ADGRL2: variants seen among roughly 807,000 people sequenced by gnomAD.
ADGRL2 encodes adhesion G protein-coupled receptor L2.
A neutral mutation model predicts 157.4 loss-of-function variants in ADGRL2; 44 were observed. That is an observed-to-expected ratio of 0.28 (90% CI 0.22 to 0.36). The LOEUF is 0.36. Among genes scored for constraint, ADGRL2 ranks in the 10% least tolerant of loss-of-function variants. The probability of loss-of-function intolerance (pLI) is 1.00; values close to 1 mark genes in which losing one functional copy is unlikely to be tolerated. For synonymous variants in ADGRL2, 585 were observed against 624.7 expected (o/e 0.94, Z 0.95); for missense variants, 1,510 against 1,768.9 (o/e 0.85, Z 2.63).
intron 3 of ADGRL2, among the ~76,000 whole-genome samples, chr1:81,592,810 G>A (rs1377897215): frequency 6.6e-6 from 1 of 151,982 alleles, no homozygotes; most frequent in Non-Finnish European, 1.5e-5. Flanking sequence ...GGAAGTGGGT[G>A]CAGGCAGGGA....
chr1:81,318,789 ATTGCTGATGCT>A (rs1200051555), intron 1 of ADGRL2, among the ~76,000 whole-genome samples: 3 of 152,092 alleles, frequency 2.0e-5, no homozygotes, highest in Non-Finnish European at 4.4e-5. Flanking sequence ...AAAATTCAGC[ATTGCTGATGCT>A]TAAGAGCAAA....
intron 3 of ADGRL2, among the ~76,000 whole-genome samples, chr1:81,623,351 G>T (rs2081838697): frequency 6.6e-6 from 1 of 152,174 alleles, no homozygotes; most frequent in Non-Finnish European, 1.5e-5. Context: ...AATTGTCTCT[G>T]TTTCCTAAAT....
chr1:81,400,621 A>G (rs4437916), intron 1 of ADGRL2, among the ~76,000 whole-genome samples: 126,004 of 151,942 alleles, frequency 0.83, 52,386 homozygotes, highest in East Asian at 0.96. Context: ...GTGCTACATA[A>G]TGGTGATTCT....
chr1:81,895,641 T>C (rs1206214570), intron 2 of ADGRL2, among the ~76,000 whole-genome samples: 2 of 152,046 alleles, frequency 1.3e-5, no homozygotes, highest in Non-Finnish European at 2.9e-5. Context: ...GTGATCCACC[T>C]GCCTCGGCCT....
intron 3 of ADGRL2, among the ~76,000 whole-genome samples, chr1:81,634,513 T>G (rs1310286580): frequency 3.4e-5 from 1 of 29,338 alleles, no homozygotes; most frequent in Non-Finnish European, 8.3e-5. Context: ...AGCTATCTTG[T>G]TTTTTTTTTT....
intron 3 of ADGRL2, among the ~76,000 whole-genome samples, chr1:81,615,450 C>A (rs1297832081): frequency 6.6e-6 from 1 of 152,292 alleles, no homozygotes; most frequent in East Asian, 1.9e-4. Flanking sequence ...AGAGCTGTAA[C>A]ACTCACCGCG....
At chr1:81,824,783 G>A (rs1324211517) in intron 1 of ADGRL2, among the ~76,000 whole-genome samples, 1 of 152,132 alleles carries the variant, frequency 6.6e-6, no homozygotes, top group Non-Finnish European at 1.5e-5. Flanking sequence ...ATTAGGTGGA[G>A]GGGAAAGATG....
intron 2 of ADGRL2, among the ~76,000 whole-genome samples, chr1:81,793,746 G>A (rs1283846060): frequency 6.6e-6 from 1 of 151,934 alleles, no homozygotes; most frequent in Non-Finnish European, 1.5e-5. Context: ...ATCTACACCT[G>A]CATAAAATAT....
chr1:81,769,674 T>C (rs1451808353), intron 2 of ADGRL2, among the ~76,000 whole-genome samples: 1 of 152,002 alleles, frequency 6.6e-6, no homozygotes, highest in Non-Finnish European at 1.5e-5. Flanking sequence ...TTCTCTTCTA[T>C]ACAAATCTTG....
chr1:81,621,040 C>T (rs2081778270), intron 3 of ADGRL2, among the ~76,000 whole-genome samples: 1 of 152,118 alleles, frequency 6.6e-6, no homozygotes, highest in African/African-American at 2.4e-5. Flanking sequence ...AGTGTTGTGT[C>T]TTTTTCCCCC....
chr1:81,484,484 C>T (rs1160673113), intron 2 of ADGRL2, among the ~76,000 whole-genome samples: 2 of 152,138 alleles, frequency 1.3e-5, no homozygotes, highest in Non-Finnish European at 2.9e-5. Flanking sequence ...ACAAGGATTT[C>T]GTACTGTGTA....
At chr1:81,979,508 A>G (rs532426757) in intron 17 of ADGRL2, among the ~76,000 whole-genome samples, 1 of 151,950 alleles carries the variant, frequency 6.6e-6, no homozygotes, top group Non-Finnish European at 1.5e-5. Flanking sequence ...AATTTTGTAG[A>G]TTACATGATG....
chr1:81,366,996 T>C (rs543568708), intron 1 of ADGRL2, among the ~76,000 whole-genome samples: 1 of 152,282 alleles, frequency 6.6e-6, no homozygotes, highest in Admixed American at 6.5e-5. Flanking sequence ...ATTTATGAAT[T>C]CTAGTACCAT....
chr1:81,493,015 G>A (rs576566164), intron 2 of ADGRL2, among the ~76,000 whole-genome samples: 2 of 152,054 alleles, frequency 1.3e-5, no homozygotes, highest in African/African-American at 4.8e-5. Flanking sequence ...TAAAACTATA[G>A]GTAAGTGATA....
chr1:81,635,889 G>A (rs1336984167), intron 3 of ADGRL2, among the ~76,000 whole-genome samples: 1 of 152,152 alleles, frequency 6.6e-6, no homozygotes, highest in Non-Finnish European at 1.5e-5. Flanking sequence ...CTTCTTTATA[G>A]CATCAGTCAG....
At chr1:81,748,467 C>CAAAAAAAAAAAAAAAA (rs973818702) in intron 1 of ADGRL2, among the ~76,000 whole-genome samples, 17 of 42,372 alleles carry the variant, frequency 4.0e-4, no homozygotes, top group South Asian at 1.1e-3. Flanking sequence ...GATTCCGTCT[C>CAAAAAAAAAAAAAAAA]AAAAAAAAAA....
At chr1:81,349,409 A>T (rs1046686714) in intron 1 of ADGRL2, among the ~76,000 whole-genome samples, 2 of 152,074 alleles carry the variant, frequency 1.3e-5, no homozygotes, top group African/African-American at 4.8e-5. Context: ...TTTCGTTTTA[A>T]CCTGGGAGCC....
At chr1:81,471,938 G>A (rs1043278494) in intron 2 of ADGRL2, among the ~76,000 whole-genome samples, 3 of 152,088 alleles carry the variant, frequency 2.0e-5, no homozygotes, top group African/African-American at 7.2e-5. Context: ...AATTTAAAAT[G>A]TTACCAAAAA....
chr1:81,469,774 C>T (rs1269413608), intron 2 of ADGRL2, among the ~76,000 whole-genome samples: 1 of 133,708 alleles, frequency 7.5e-6, no homozygotes, highest in Non-Finnish European at 1.6e-5. Context: ...AGGCTCATCA[C>T]TTTCCTGACA....
Sources: gnomAD v4.1 joint callset for allele counts (sites outside exome capture counted in the v4.1 genomes callset) on GRCh38, gnomAD v4.1.1 for gene constraint, MANE v1.5 for transcripts, NCBI Gene and HGNC (gene_info 2026-07-23, HGNC 2026-07-21) for gene names.